CORIN: variants seen among roughly 807,000 people sequenced by gnomAD.
The protein encoded by CORIN is corin, serine peptidase.
A neutral mutation model predicts 125.3 loss-of-function variants in CORIN; 117 were observed. The observed-to-expected ratio is 0.93, with a 90% CI of 0.80 to 1.09. The LOEUF is 1.09. CORIN is among the 50% of genes least tolerant of loss of function. CORIN has a pLI of 0.00. For synonymous variants in CORIN, 450 were observed against 466.4 expected (o/e 0.96, Z 0.45); for missense variants, 1,253 against 1,306.7 (o/e 0.96, Z 0.63).
chr4:47,720,208 T>C (rs185658572), intron 5 of CORIN, among the ~76,000 whole-genome samples: 1 of 152,370 alleles, frequency 6.6e-6, no homozygotes, highest in East Asian at 1.9e-4. Flanking sequence ...GAGGCTCTTT[T>C]ATTTTTATCA....
At chr4:47,610,143 T>A (rs996034363) in intron 19 of CORIN, among the ~76,000 whole-genome samples, 5 of 152,224 alleles carry the variant, frequency 3.3e-5, no homozygotes, top group Non-Finnish European at 7.4e-5. Context: ...CTGGGTCAAA[T>A]GGTATTTTTG....
chr4:47,630,239 A>C (rs1444033593), intron 16 of CORIN, among the ~76,000 whole-genome samples: 1 of 152,206 alleles, frequency 6.6e-6, no homozygotes, highest in Non-Finnish European at 1.5e-5. Context: ...TGGTATTATG[A>C]ACTTCCATTT....
intron 3 of CORIN, among the ~76,000 whole-genome samples, chr4:47,786,105 T>C (rs1158917376): frequency 6.6e-6 from 1 of 152,142 alleles, no homozygotes; most frequent in Non-Finnish European, 1.5e-5. Flanking sequence ...GATGAACCAC[T>C]ACAAAATCAA....
At chr4:47,749,105 A>C (rs1031933791) in intron 4 of CORIN, among the ~76,000 whole-genome samples, 1 of 151,726 alleles carries the variant, frequency 6.6e-6, no homozygotes, top group Non-Finnish European at 1.5e-5. Flanking sequence ...AGAATTTAAA[A>C]CTCTTTTTTC....
In CORIN at chr4:47,623,450, A is replaced by G. The variant is rs1027199828; in HGVS notation, c.2540+121T>C. 5.1e-6 allele frequency: 5 copies of G among 989,740 alleles called. No homozygotes were observed. The African/African-American group carries it at 8.1e-5, about 16-fold the overall frequency. The allele number at this position is 989,740 out of a possible 1,614,324, so 61.3% of individuals were successfully genotyped here. A position where few individuals can be genotyped will look rare whatever the true frequency, so the allele number is the denominator to read the frequency against. ...ACTTTAGGAAGATAAAGGCCTGGGA[A>G]GTAGATTAGCTGTGGCTTTCGCCTG... On this transcript the variant is annotated intron_variant, in intron 19 of 21. Transcript: ENST00000273857.
At chr4:47,831,882 G>A (rs1464922241) in intron 1 of CORIN, among the ~76,000 whole-genome samples, 1 of 152,130 alleles carries the variant, frequency 6.6e-6, no homozygotes, top group East Asian at 1.9e-4. Flanking sequence ...CTTATAATAA[G>A]AGAACACACA....
chr4:47,735,053 A>G (rs1670404334), intron 5 of CORIN, among the ~76,000 whole-genome samples: 1 of 152,266 alleles, frequency 6.6e-6, no homozygotes, highest in South Asian at 2.1e-4. Flanking sequence ...AAAATGAAAG[A>G]AAAACTACAT....
intron 19 of CORIN, among the ~76,000 whole-genome samples, chr4:47,616,045 C>T (rs1003475694): frequency 1.3e-5 from 2 of 152,096 alleles, no homozygotes; most frequent in Non-Finnish European, 2.9e-5. Context: ...CAATTATTTG[C>T]TCAGTGGGAG....
chr4:47,726,077 A>G (rs901019767), intron 5 of CORIN, among the ~76,000 whole-genome samples: 2 of 152,120 alleles, frequency 1.3e-5, no homozygotes, highest in Admixed American at 6.5e-5. Flanking sequence ...TGGTCAAAAC[A>G]GAAACAACAA....
chr4:47,672,966 A>T (rs1213264454), intron 10 of CORIN, among the ~76,000 whole-genome samples: 1 of 151,968 alleles, frequency 6.6e-6, no homozygotes, highest in African/African-American at 2.4e-5. Context: ...CTCTACAGTG[A>T]CCCAGAAAAA....
chr4:47,798,362 C>T (rs945109208), intron 2 of CORIN, among the ~76,000 whole-genome samples: 3 of 152,134 alleles, frequency 2.0e-5, no homozygotes, highest in Non-Finnish European at 4.4e-5. Context: ...TCATTATTAT[C>T]TCCTTGGCTT....
intron 20 of CORIN, among the ~76,000 whole-genome samples, chr4:47,602,198 G>T (rs1231481512): frequency 3.3e-5 from 5 of 152,170 alleles, no homozygotes; most frequent in Non-Finnish European, 5.9e-5. Flanking sequence ...TTGAACCTGG[G>T]AGGTGGAGGT....
chr4:47,743,182 A>C (rs1313620972), intron 5 of CORIN, among the ~76,000 whole-genome samples: 1 of 149,148 alleles, frequency 6.7e-6, no homozygotes, highest in Non-Finnish European at 1.5e-5. Context: ...GTGAGCAAAG[A>C]TTTCTTAAGA....
At chr4:47,709,343 G>C (rs1394141127) in intron 5 of CORIN, among the ~76,000 whole-genome samples, 1 of 151,734 alleles carries the variant, frequency 6.6e-6, no homozygotes, top group Non-Finnish European at 1.5e-5. Context: ...GCCCATGCTT[G>C]AGTGCAGTGG....
chr4:47,615,541 G>A (rs981943662), intron 19 of CORIN, among the ~76,000 whole-genome samples: 4 of 152,150 alleles, frequency 2.6e-5, no homozygotes, highest in African/African-American at 9.7e-5. Flanking sequence ...ATCAGGATGG[G>A]CTTGAATCCA....
chr4:47,784,173 A>G (rs1046292568), intron 3 of CORIN, among the ~76,000 whole-genome samples: 4 of 152,154 alleles, frequency 2.6e-5, no homozygotes, highest in Non-Finnish European at 5.9e-5. Flanking sequence ...ATATTCAAAC[A>G]TTCCCTAAAA....
intron 3 of CORIN, 118 bp downstream of exon 3, chr4:47,786,607 G>A (rs1730826355): frequency 1.4e-6 from 1 of 731,072 alleles, no homozygotes; most frequent in Admixed American, 2.7e-5. Context: ...AGGAAACTGA[G>A]TGGAGATTTT....
At chr4:47,617,371 T>G (rs1650612080) in intron 19 of CORIN, among the ~76,000 whole-genome samples, 1 of 152,206 alleles carries the variant, frequency 6.6e-6, no homozygotes, top group African/African-American at 2.4e-5. Context: ...CACAGGCAAG[T>G]AACCACAACA....
rs201541036 is a variant in CORIN, at chr4:47,701,486, T to TA, written c.800-8404dup. Among the ~76,000 whole-genome samples, 652 of 151,420 alleles carry TA rather than the reference T, an allele frequency of 4.3e-3. 6 individuals carry two copies. Among genetic ancestry groups the TA allele is most frequent in the African/African-American group, 0.015 (606 of 41,320 alleles). On this transcript the variant is annotated intron_variant, in intron 5 of 21. Transcript: ENST00000273857. ...GCATGATGGAAGAGCTATTACTCTA[T>TA]AAAAAAAAATTAGTCATCATAACAT...
Sources: gnomAD v4.1 joint callset for allele counts (sites outside exome capture counted in the v4.1 genomes callset) on GRCh38, gnomAD v4.1.1 for gene constraint, MANE v1.5 for transcripts, NCBI Gene and HGNC (gene_info 2026-07-23, HGNC 2026-07-21) for gene names.